The following SLCO3A1 variants were observed in gnomAD, a reference collection of about 807,000 sequenced individuals.
The protein encoded by SLCO3A1 is PGE1 transporter.
Under a neutral mutation model 63.1 loss-of-function variants are expected in SLCO3A1, and 27 were observed. The observed-to-expected ratio is 0.43, with a 90% CI of 0.32 to 0.59. SLCO3A1 has a LOEUF of 0.59. SLCO3A1 is among the 20% of genes least tolerant of loss of function. The probability of loss-of-function intolerance (pLI) is 0.09; values close to 1 mark genes in which losing one functional copy is unlikely to be tolerated. For missense variants in SLCO3A1, 773 were observed against 945.8 expected (o/e 0.82, Z 2.40); for synonymous variants, 473 against 409.9 (o/e 1.15, Z -1.86).
At position 92,016,204 on chromosome 15, in the gene SLCO3A1, T is replaced by G. The variant is rs923542215; in HGVS notation, c.647-78677T>G. On this transcript the variant is annotated intron_variant, in intron 2 of 9. Transcript: ENST00000318445. Reference sequence around the variant, plus strand: ...TGCAGATTTGTTGTATATATATTTATATAGATAGATAGATAGATAGATAGA... The same window carrying G: ...TGCAGATTTGTTGTATATATATTTAGATAGATAGATAGATAGATAGATAGA... 2.0e-3 allele frequency among the ~76,000 whole-genome samples: 238 copies of G among 120,214 alleles called. 1 individual carries two copies. Among genetic ancestry groups the G allele is most frequent in the Middle Eastern group, 0.017 (4 of 240 alleles). The allele number at this position is 120,214 out of a possible 152,430, so 78.9% of individuals were successfully genotyped here.
rs141177815 is a variant in SLCO3A1, at chr15:91,920,508, G to A, written c.646+4050G>A. 1.1e-3 allele frequency among the ~76,000 whole-genome samples: 164 copies of A among 152,314 alleles called. 1 individual carries two copies. Among genetic ancestry groups the A allele is most frequent in the African/African-American group, 3.8e-3 (160 of 41,562 alleles). ...AAGGTGGTCCTAGCTAACGGTTCAGGTCTGAGTTCTGTAAAGAGGTTGCAC... is the reference window on the plus strand; with the variant it reads ...AAGGTGGTCCTAGCTAACGGTTCAGATCTGAGTTCTGTAAAGAGGTTGCAC... On this transcript the variant is annotated intron_variant, in intron 2 of 9. Transcript: ENST00000318445.
chr15:92,129,529 GTTCTCACT>G (rs1457404954), intron 7 of SLCO3A1, among the ~76,000 whole-genome samples: 2 of 152,190 alleles, frequency 1.3e-5, no homozygotes, highest in East Asian at 3.9e-4. Context: ...TAAAGACATT[GTTCTCACT>G]TTATTACGAT....
chr15:92,115,076 T>G (rs1183830606), intron 4 of SLCO3A1, among the ~76,000 whole-genome samples: 1 of 131,356 alleles, frequency 7.6e-6, no homozygotes, highest in Non-Finnish European at 1.7e-5. Context: ...GAAAAGAAAG[T>G]CAAGGCCAAC....
chr15:91,856,772 A>G lies in SLCO3A1; in HGVS notation c.180+2684A>G, dbSNP rs1031380962. On this transcript the variant is annotated intron_variant, in intron 1 of 9. Coordinates refer to ENST00000318445, the MANE Select transcript of SLCO3A1 (RefSeq NM_013272.4). The surrounding 1 kb of genome is among the most constrained non-coding windows in gnomAD (Gnocchi z 4.9). The stretch of plus-strand genomic sequence containing the variant: ...GAAGGACTTGCCTTGGGACAGTGCC[A>G]GTAATGCTCCCTTTCACAGAGAGGA... Among the ~76,000 whole-genome samples the G allele has an allele frequency of 6.6e-6, 1 of 152,208 alleles. No individual in the cohort carries two copies. The highest frequency in any genetic ancestry group is 6.5e-5 in the Admixed American group (1 of 15,284).
At chr15:92,056,516 GT>G (rs1209864475) in intron 2 of SLCO3A1, among the ~76,000 whole-genome samples, 1 of 152,146 alleles carries the variant, frequency 6.6e-6, no homozygotes, top group Non-Finnish European at 1.5e-5. Context: ...GAAATTCTAA[GT>G]TGATCCAAGG....
chr15:92,029,031 C>T (rs977100454), intron 2 of SLCO3A1, among the ~76,000 whole-genome samples: 2 of 151,406 alleles, frequency 1.3e-5, no homozygotes, highest in African/African-American at 4.9e-5. Context: ...CCTTCAGGCC[C>T]CAGAGGACAT....
At position 92,033,161 on chromosome 15, in the gene SLCO3A1, A is replaced by G. The variant is rs369503046; in HGVS notation, c.647-61720A>G. On this transcript the variant is annotated intron_variant, in intron 2 of 9. Coordinates refer to ENST00000318445, the MANE Select transcript of SLCO3A1 (RefSeq NM_013272.4). This position sits in a 1 kb window ranked among gnomAD's most constrained non-coding sequence, Gnocchi z 4.5. The stretch of plus-strand genomic sequence containing the variant: ...TAAAAAAAACAAAAGAACTCCATGG[A>G]TGGGGCATTGTTTTTCCATTCTGGG... 6.6e-6 allele frequency among the ~76,000 whole-genome samples: 1 copy of G among 152,164 alleles called. No homozygotes were observed. Among genetic ancestry groups the G allele is most frequent in the African/African-American group, 2.4e-5 (1 of 41,438 alleles).
At chr15:92,013,876 T>C (rs1027152992) in intron 2 of SLCO3A1, among the ~76,000 whole-genome samples, 1 of 152,038 alleles carries the variant, frequency 6.6e-6, no homozygotes, top group Non-Finnish European at 1.5e-5. Context: ...CCTTGTGAGA[T>C]TGCTCAAGAA....
At position 91,859,057 on chromosome 15, in the gene SLCO3A1, A is replaced by G. The variant is rs1212541311; in HGVS notation, c.180+4969A>G. ...GAGTCAAAGTACTTCTCTTCTGCATATGTACTCTATTCTGTACATTGCCGC... is the reference window on the plus strand; with the variant it reads ...GAGTCAAAGTACTTCTCTTCTGCATGTGTACTCTATTCTGTACATTGCCGC... On this transcript the variant is annotated intron_variant, in intron 1 of 9. Coordinates refer to ENST00000318445, the MANE Select transcript of SLCO3A1 (RefSeq NM_013272.4). The surrounding 1 kb of genome is among the most constrained non-coding windows in gnomAD (Gnocchi z 5.1). 1.3e-5 allele frequency among the ~76,000 whole-genome samples: 2 copies of G among 152,230 alleles called. No homozygotes were observed. Among genetic ancestry groups the G allele is most frequent in the African/African-American group, 2.4e-5 (1 of 41,458 alleles).
intron 1 of SLCO3A1, among the ~76,000 whole-genome samples, chr15:91,873,107 T>C (rs1035460701): frequency 6.6e-6 from 1 of 152,236 alleles, no homozygotes; most frequent in Non-Finnish European, 1.5e-5. Flanking sequence ...ACACTCTAAT[T>C]AGTGTTTACT....
chr15:92,032,871 A>AT (rs140660487), intron 2 of SLCO3A1, among the ~76,000 whole-genome samples: 10,386 of 126,308 alleles, frequency 0.082, 1,258 homozygotes, highest in African/African-American at 0.27. Context: ...TTACTCTGAA[A>AT]TTTCAAGTCC....
intron 10 of SLCO3A1, chr15:92,171,687 T>C: frequency 1.1e-6 from 1 of 893,964 alleles, no homozygotes; most frequent in South Asian, 1.4e-5. Context: ...TGCAAAGCCA[T>C]CATGCTATTA....
rs111367515 is a variant in SLCO3A1 at position 91,877,733 on chromosome 15, G to C, written c.180+23645G>C. Among the ~76,000 whole-genome samples the C allele has an allele frequency of 2.0e-3, 303 of 152,270 alleles. 1 individual carries two copies. Among genetic ancestry groups the C allele is most frequent in the Middle Eastern group, 3.4e-3 (1 of 294 alleles). ...TTGAAGGCTAGGCTCAATCTAGTGG[G>C]CATAAAGGAGTTACAGGTTTTTGCA... is the stretch of plus-strand genomic sequence containing the variant. On this transcript the variant is annotated intron_variant, in intron 1 of 9. Transcript: ENST00000318445.
chr15:92,093,502 GA>G (rs1189529281), intron 2 of SLCO3A1, among the ~76,000 whole-genome samples: 1 of 152,228 alleles, frequency 6.6e-6, no homozygotes, highest in African/African-American at 2.4e-5. Flanking sequence ...TTCAACATGA[GA>G]TTTGGAGGGG....
At chr15:92,128,265 C>A (rs2047949445) in intron 6 of SLCO3A1, 86 bp from the exon 7 acceptor site, 1 of 1,541,076 alleles carries the variant, frequency 6.5e-7, no homozygotes, top group Non-Finnish European at 8.9e-7. Flanking sequence ...CGACTCATCA[C>A]AACAGAGGCA....
At chr15:91,971,205 C>G (rs1044893082) in intron 2 of SLCO3A1, among the ~76,000 whole-genome samples, 3 of 151,734 alleles carry the variant, frequency 2.0e-5, no homozygotes, top group Admixed American at 6.6e-5. Flanking sequence ...ACCATCCTGG[C>G]TAACACAGTG....
At chr15:92,042,731 A>C (rs2046814868) in intron 2 of SLCO3A1, among the ~76,000 whole-genome samples, 1 of 152,178 alleles carries the variant, frequency 6.6e-6, no homozygotes, top group Non-Finnish European at 1.5e-5. Context: ...CCATGCAAAG[A>C]AGATAGTGTG....
exon 11 of SLCO3A1, chr15:92,172,216 G>A (rs538811876): frequency 1.1e-4 from 22 of 201,858 alleles, no homozygotes; most frequent in Non-Finnish European, 2.2e-4. Context: ...TCCTCTGACT[G>A]AGGGCTCCAA....
At chr15:92,028,646 A>T (rs1459458886) in intron 2 of SLCO3A1, among the ~76,000 whole-genome samples, 2 of 152,222 alleles carry the variant, frequency 1.3e-5, no homozygotes, top group Non-Finnish European at 2.9e-5. Context: ...CAGCCCAAAT[A>T]TAATCGTTTT....
Sources: allele counts gnomAD v4.1 joint callset (sites outside exome capture counted in the v4.1 genomes callset), GRCh38; gene constraint gnomAD v4.1.1; non-coding constraint Gnocchi (gnomAD v3.1); transcripts MANE v1.5; gene names NCBI Gene and HGNC (gene_info 2026-07-23, HGNC 2026-07-21).